CDC42: variants seen among roughly 807,000 people sequenced by gnomAD.
The protein encoded by CDC42 is cell division cycle 42, also known as cell division control protein 42 homolog.
A neutral mutation model predicts 20.8 loss-of-function variants in CDC42; 1 was observed. That is an observed-to-expected ratio of 0.05 (90% CI 0.02 to 0.23). The LOEUF (loss-of-function observed/expected upper bound fraction) is 0.23. CDC42 is among the 10% of genes least tolerant of loss of function. The probability of loss-of-function intolerance (pLI) is 1.00; values close to 1 mark genes in which losing one functional copy is unlikely to be tolerated. For synonymous variants in CDC42, 72 were observed against 84.8 expected, an observed-to-expected ratio of 0.85 and a Z score of 0.83; for missense variants, 49 against 227.9, an observed-to-expected ratio of 0.21 and a Z score of 5.05.
At position 22,101,005 on chromosome 1, in the gene CDC42, TCTTGGCAG is replaced by T. The variant is rs1381818119; in HGVS notation, c.*9493_*9500del. On this transcript the variant is annotated 3_prime_UTR_variant, in exon 6 of 6. Coordinates refer to ENST00000656825, the MANE Select transcript of CDC42 (RefSeq NM_001791.4). ...TTGGTGTTAAGGAGTTAGGTCCATC[TCTTGGCAG>T]CTTGTGAAGGGTGGGCAGGCACCTG... 1 of 152,230 alleles carries T rather than the reference TCTTGGCAG, an allele frequency of 6.6e-6. No homozygotes were observed. Among genetic ancestry groups the T allele is most frequent in the Non-Finnish European group, 1.5e-5 (1 of 68,042 alleles). 9.4% of individuals were successfully genotyped at this position (152,230 alleles called of 1,614,324 possible). A position where few individuals can be genotyped will look rare whatever the true frequency, so the allele number is the denominator to read the frequency against.
At chr1:22,088,806 A>G (rs1645687921) in intron 5 of CDC42, among the ~76,000 whole-genome samples, 2 of 152,066 alleles carry the variant, frequency 1.3e-5, no homozygotes, top group Non-Finnish European at 2.9e-5. Context: ...GTTGGTTCCT[A>G]GATGTGCAGA....
At chr1:22,076,578 C>T (rs894135585) in intron 1 of CDC42, among the ~76,000 whole-genome samples, 18 of 152,168 alleles carry the variant, frequency 1.2e-4, no homozygotes, top group African/African-American at 4.3e-4. Flanking sequence ...AGGGATAATA[C>T]AGCACATACT....
At chr1:22,054,312 G>T (rs1010696043) in intron 1 of CDC42, among the ~76,000 whole-genome samples, 1 of 151,976 alleles carries the variant, frequency 6.6e-6, no homozygotes, top group African/African-American at 2.4e-5. Context: ...GCCTCCCGGG[G>T]TCAAGTGAGC....
Position 22,095,878 on chromosome 1 carries a change from C to T in CDC42, c.*4361C>T, listed in dbSNP as rs573845712. On this transcript the variant is annotated 3_prime_UTR_variant, in exon 6 of 6. Coordinates refer to ENST00000656825, the MANE Select transcript of CDC42 (RefSeq NM_001791.4). ...AAGGGAAAGCGCATTTACACTTTCTCGTATTCCATTGCCCAGAGATGGCAT... is the reference window on the plus strand; with the variant it reads ...AAGGGAAAGCGCATTTACACTTTCTTGTATTCCATTGCCCAGAGATGGCAT... Among the ~76,000 whole-genome samples the T allele has an allele frequency of 7.2e-5, 11 of 152,276 alleles. No individual in the cohort carries two copies. The highest frequency in any genetic ancestry group is 2.1e-4 in the South Asian group (1 of 4,826).
intron 2 of CDC42, 104 bp from the exon 3 acceptor site, chr1:22,081,618 C>T (rs917346569): frequency 1.6e-5 from 11 of 707,412 alleles, no homozygotes; most frequent in Middle Eastern, 2.4e-4. Flanking sequence ...GACTAGGGGA[C>T]GATTAAGTCT....
In CDC42 at chr1:22,098,799, C is replaced by G. The variant is rs1645772760; in HGVS notation, c.*7282C>G. On this transcript the variant is annotated 3_prime_UTR_variant, in exon 6 of 6. Coordinates refer to ENST00000656825, the MANE Select transcript of CDC42 (RefSeq NM_001791.4). The stretch of plus-strand genomic sequence containing the variant: ...TTGGAGACAGGGTCTCACTCTGTCA[C>G]CCAGGCTGGAGTGCAGTGTCGTGGT... 6.6e-6 allele frequency among the ~76,000 whole-genome samples: 1 copy of G among 152,108 alleles called. No homozygotes were observed. The highest frequency in any genetic ancestry group is 1.5e-5 in the Non-Finnish European group (1 of 68,020).
chr1:22,064,154 A>T (rs1390665982), intron 1 of CDC42: 2 of 151,862 alleles, frequency 1.3e-5, no homozygotes, highest in Non-Finnish European at 2.9e-5. Context: ...CTTTTTGGAT[A>T]AATTACCTGA....
chr1:22,078,880 A>G, intron 2 of CDC42: 1 of 1,092,332 alleles, frequency 9.2e-7, no homozygotes, highest in African/African-American at 2.0e-5. Context: ...TCTTGGAATG[A>G]GGTGACTTTT....
chr1:22,083,526 A>AC (rs1645629637), intron 3 of CDC42, among the ~76,000 whole-genome samples: 1 of 151,486 alleles, frequency 6.6e-6, no homozygotes, highest in South Asian at 2.1e-4. Flanking sequence ...AATTGCTTGA[A>AC]CCCAGGGGGC....
intron 1 of CDC42, among the ~76,000 whole-genome samples, chr1:22,054,891 GTATATATATATA>G (rs1157685736): frequency 0.015 from 1,107 of 71,878 alleles, 22 homozygotes; most frequent in East Asian, 0.065. Flanking sequence ...TTGAATTTAT[GTATATATATATA>G]TATATATATA....
chr1:22,088,842 T>C (rs765943634), intron 5 of CDC42, among the ~76,000 whole-genome samples: 8 of 152,320 alleles, frequency 5.3e-5, no homozygotes, highest in Non-Finnish European at 8.8e-5. Flanking sequence ...ATTTTAACTT[T>C]TATGTGGCAT....
chr1:22,061,927 T>G (rs1191241704), intron 1 of CDC42, among the ~76,000 whole-genome samples: 2 of 151,644 alleles, frequency 1.3e-5, no homozygotes, highest in African/African-American at 4.8e-5. Context: ...TGGAACACCC[T>G]TTTTTATTTT....
chr1:22,089,257 A>T (rs1310414115), intron 5 of CDC42, among the ~76,000 whole-genome samples: 5 of 152,120 alleles, frequency 3.3e-5, no homozygotes, highest in Non-Finnish European at 7.4e-5. Context: ...CTGTATCTTA[A>T]TCCCCGTAAG....
At chr1:22,077,915 C>T (rs913140305) in intron 1 of CDC42, among the ~76,000 whole-genome samples, 30 of 152,290 alleles carry the variant, frequency 2.0e-4, no homozygotes, top group African/African-American at 6.7e-4. Context: ...CAGTTCCTCA[C>T]GTTACTCATA....
chr1:22,074,616 AACTATG>A (rs1356321616), intron 1 of CDC42, among the ~76,000 whole-genome samples: 1 of 151,492 alleles, frequency 6.6e-6, no homozygotes, highest in East Asian at 2.0e-4. Context: ...GTCAGGTCTT[AACTATG>A]TTGCCCAGGC....
intron 1 of CDC42, among the ~76,000 whole-genome samples, chr1:22,068,075 C>T (rs1313845988): frequency 1.3e-5 from 2 of 151,996 alleles, no homozygotes; most frequent in African/African-American, 4.8e-5. Context: ...GGGTGAGACC[C>T]TGTCTCAAAA....
At position 22,093,135 on chromosome 1, in the gene CDC42, TCTC is replaced by T. The variant is rs1645733085; in HGVS notation, c.*1622_*1624del. Among the ~76,000 whole-genome samples, 1 of 152,228 alleles carries T rather than the reference TCTC, an allele frequency of 6.6e-6. No individual in the cohort carries two copies. Among genetic ancestry groups the T allele is most frequent in the Non-Finnish European group, 1.5e-5 (1 of 68,044 alleles). On this transcript the variant is annotated 3_prime_UTR_variant, in exon 6 of 6. Transcript: ENST00000656825. ...CCTCTATATGTTCAGGTTTGTGCTT[TCTC>T]CTCTAAGTTTGACCCTTCCCTTAAA... is the stretch of plus-strand genomic sequence containing the variant.
intron 1 of CDC42, among the ~76,000 whole-genome samples, chr1:22,057,096 T>C (rs16826253): frequency 3.3e-5 from 5 of 152,212 alleles, no homozygotes; most frequent in Non-Finnish European, 5.9e-5. Context: ...CTGCCACTTA[T>C]TAGGTATGTG....
At chr1:22,084,335 GTTTTTTTTT>G (rs61584354) in intron 3 of CDC42, among the ~76,000 whole-genome samples, 1,220 of 80,764 alleles carry the variant, frequency 0.015, 25 homozygotes, top group African/African-American at 0.055. Context: ...CTTATTTCCT[GTTTTTTTTT>G]TTTTTTTTTT....
Sources: gnomAD v4.1 joint callset for allele counts (sites outside exome capture counted in the v4.1 genomes callset) on GRCh38, gnomAD v4.1.1 for gene constraint, MANE v1.5 for transcripts, NCBI Gene and HGNC (gene_info 2026-07-23, HGNC 2026-07-21) for gene names.